FOCAD: variants seen among roughly 807,000 people sequenced by gnomAD.
FOCAD encodes KIAA1797.
Under a neutral mutation model 225.6 loss-of-function variants are expected in FOCAD, and 198 were observed. The ratio of observed to expected loss-of-function variants is 0.88; its 90% CI spans 0.78 to 0.99. The LOEUF is 0.99. Among genes scored for constraint, FOCAD ranks in the 50% least tolerant of loss-of-function variants. The pLI is 0.00. For missense variants in FOCAD, 2,713 were observed against 2,123.6 expected (o/e 1.28, Z -5.46); for synonymous variants, 897 against 755.0 (o/e 1.19, Z -3.08).
At chr9:20,932,895 T>C in intron 27 of FOCAD, 119 bp from the exon 28 acceptor site, 1 of 720,322 alleles carries the variant, frequency 1.4e-6, no homozygotes, top group East Asian at 2.7e-5. Flanking sequence ...TGTCACTTTT[T>C]TTTTTAAGAG....
intron 1 of FOCAD, among the ~76,000 whole-genome samples, chr9:20,700,707 TA>T (rs756205290): frequency 1.7e-4 from 26 of 152,216 alleles, no homozygotes; most frequent in Middle Eastern, 6.3e-3. Flanking sequence ...TCATGAGTCT[TA>T]ATTAATGAAA....
At chr9:20,823,191 A>C (rs1411009739) in intron 15 of FOCAD, 76 bp downstream of exon 15, 1 of 1,447,146 alleles carries the variant, frequency 6.9e-7, no homozygotes, top group African/African-American at 1.5e-5. Context: ...AGAATGTAAG[A>C]TTAGATTCAA....
rs971666116 is a variant in FOCAD, at chr9:20,960,404, A to T, written c.4132+7339A>T. 2.0e-5 allele frequency among the ~76,000 whole-genome samples: 3 copies of T among 152,250 alleles called. No homozygotes were observed. The South Asian group carries it at 6.2e-4, about 32-fold the overall frequency. ...ATGTTGTCTTCTAGGTTTCTCCACT[A>T]TGAACTTATTCTTTTACCCTTATTT... On this transcript the variant is annotated intron_variant, in intron 35 of 43. Coordinates refer to ENST00000338382, the MANE Select transcript of FOCAD (RefSeq NM_001375567.1).
chr9:20,671,723 G>A (rs143349543), intron 2 of FOCAD, among the ~76,000 whole-genome samples: 39 of 152,280 alleles, frequency 2.6e-4, no homozygotes, highest in Non-Finnish European at 4.4e-4. Context: ...GCAAAAAAAG[G>A]GCAAAAAGTT....
Position 20,874,772 on chromosome 9 carries a change from A to C in FOCAD, c.2282A>C (p.Lys761Thr), listed in dbSNP as rs1830092303. The change falls in exon 19 of 44, where the codon AAA becomes ACA. Residue 761 changes from lysine to threonine, a missense_variant. Lys to Thr is a moderately conservative substitution (Grantham distance 78, BLOSUM62 -1). Coordinates refer to ENST00000338382, the MANE Select transcript of FOCAD (RefSeq NM_001375567.1). ...DLSVPGSCYLKLLSLTPPLVL... is the reference protein window; with the variant it reads ...DLSVPGSCYLTLLSLTPPLVL... ...TCAGTTCCTGGCTCTTGCTATCTCAAACTGTTGTCACTCACTCCCCCTTTG... is the reference window on the plus strand; with the variant it reads ...TCAGTTCCTGGCTCTTGCTATCTCACACTGTTGTCACTCACTCCCCCTTTG... 9.9e-6 allele frequency: 16 copies of C among 1,613,614 alleles called. No individual in the cohort carries two copies. Among genetic ancestry groups the C allele is most frequent in the Non-Finnish European group, 1.4e-5 (16 of 1,179,712 alleles).
chr9:20,690,282 T>A (rs1347326025), intron 1 of FOCAD, among the ~76,000 whole-genome samples: 1 of 152,188 alleles, frequency 6.6e-6, no homozygotes, highest in Non-Finnish European at 1.5e-5. Context: ...CTCTGAACAT[T>A]GCATTTCCCC....
At chr9:20,876,230 T>G (rs1830209491) in intron 19 of FOCAD, among the ~76,000 whole-genome samples, 1 of 152,170 alleles carries the variant, frequency 6.6e-6, no homozygotes, top group Non-Finnish European at 1.5e-5. Flanking sequence ...TCTTCCCCAC[T>G]TCCTACCTCT....
At chr9:20,760,029 G>T (rs536652464) in intron 6 of FOCAD, among the ~76,000 whole-genome samples, 1 of 152,150 alleles carries the variant, frequency 6.6e-6, no homozygotes, top group Non-Finnish European at 1.5e-5. Flanking sequence ...CTACCATGAC[G>T]CTGGTTCAGG....
chr9:20,713,588 C>A (rs558006839), intron 1 of FOCAD, among the ~76,000 whole-genome samples: 1 of 152,140 alleles, frequency 6.6e-6, no homozygotes, highest in East Asian at 1.9e-4. Context: ...TTATCTGCTG[C>A]TTTCTACTAG....
chr9:20,921,273 C>T (rs1484409878), intron 24 of FOCAD, among the ~76,000 whole-genome samples: 1 of 152,132 alleles, frequency 6.6e-6, no homozygotes. Context: ...GCTCAGCCTT[C>T]CTTGTGCTTT....
At chr9:20,707,919 C>G (rs1366711563) in intron 1 of FOCAD, among the ~76,000 whole-genome samples, 1 of 152,078 alleles carries the variant, frequency 6.6e-6, no homozygotes, top group Non-Finnish European at 1.5e-5. Flanking sequence ...ATGAAACAAT[C>G]GAGCTGCCTG....
Position 20,770,672 on chromosome 9 carries a change from C to T in FOCAD, c.906+434C>T, listed in dbSNP as rs536598012. Reference sequence around the variant, plus strand: ...ATAGATCCAAACCATATCAGATAGACGTTTTATTGTGTCAGTTATCACTCA... The same window carrying T: ...ATAGATCCAAACCATATCAGATAGATGTTTTATTGTGTCAGTTATCACTCA... On this transcript the variant is annotated intron_variant, in intron 8 of 43. Coordinates refer to ENST00000338382, the MANE Select transcript of FOCAD (RefSeq NM_001375567.1). Among the ~76,000 whole-genome samples, 216 of 152,236 alleles carry T rather than the reference C, an allele frequency of 1.4e-3. 2 individuals are homozygous for T. Among genetic ancestry groups the T allele is most frequent in the African/African-American group, 4.9e-3 (205 of 41,548 alleles).
chr9:20,872,423 C>T (rs1247253065), intron 18 of FOCAD, among the ~76,000 whole-genome samples: 2 of 152,008 alleles, frequency 1.3e-5, no homozygotes, highest in African/African-American at 2.4e-5. Flanking sequence ...AGCATTTGGT[C>T]ATTTGACATA....
At chr9:20,726,666 G>A (rs1243574750) in intron 4 of FOCAD, among the ~76,000 whole-genome samples, 1 of 152,148 alleles carries the variant, frequency 6.6e-6, no homozygotes, top group East Asian at 1.9e-4. Flanking sequence ...TTGATCATGG[G>A]CTGATGAAGG....
rs542187777 is a variant in FOCAD at position 20,923,683 on chromosome 9, A to C, written c.2876A>C (p.Asn959Thr). 1.9e-6 allele frequency: 3 copies of C among 1,614,034 alleles called. No homozygotes were observed. The South Asian group carries it at 3.3e-5, about 18-fold the overall frequency. The change falls in exon 25 of 44, where the codon AAT becomes ACT. Residue 959 changes from asparagine to threonine, a missense_variant. Physicochemically the swap from Asn to Thr is moderately conservative, Grantham distance 65. Transcript: ENST00000338382. ...AGGGAGAGTCCGGTAGTGAAAGGCA[A>C]TGCGCTGTTAGCTCTAAGCAGCCTT... is the stretch of plus-strand genomic sequence containing the variant. Reference protein sequence around the residue: ...AAKESPVVKGNALLALSSLAV... With the variant: ...AAKESPVVKGTALLALSSLAV...
rs1835274867 is a variant in FOCAD, at chr9:20,929,548, G to A, written c.3269G>A (p.Gly1090Asp). The A allele has an allele frequency of 3.7e-6, 6 of 1,613,944 alleles. No individual in the cohort carries two copies. In the South Asian group the frequency reaches 4.4e-5, roughly 12 times the overall value. Residue 1090 changes from glycine (G) to aspartate (D), a missense_variant, in exon 27 of 44, where the codon GGC (glycine) becomes GAC (aspartate). Coordinates refer to ENST00000338382, the MANE Select transcript of FOCAD (RefSeq NM_001375567.1). ...TCTCAAGCCGTGCAAATCCACATGG[G>A]CCTTGCTTTAGGGATGTTTCTCTCT... Reference protein sequence around the residue: ...DESQAVQIHMGLALGMFLSRL... With the variant: ...DESQAVQIHMDLALGMFLSRL...
intron 19 of FOCAD, 117 bp downstream of exon 19, chr9:20,874,924 C>T: frequency 7.6e-7 from 1 of 1,315,056 alleles, no homozygotes; most frequent in Non-Finnish European, 1.1e-6. Flanking sequence ...ATTTTTTAAC[C>T]AGAATGTTAA....
At chr9:20,746,519 G>C (rs991873709) in intron 5 of FOCAD, among the ~76,000 whole-genome samples, 7 of 152,140 alleles carry the variant, frequency 4.6e-5, no homozygotes, top group African/African-American at 1.7e-4. Flanking sequence ...TACAAGAATA[G>C]CACCAAAGAC....
intron 43 of FOCAD, among the ~76,000 whole-genome samples, chr9:20,994,227 C>T (rs995347418): frequency 6.6e-6 from 1 of 152,260 alleles, no homozygotes; most frequent in African/African-American, 2.4e-5. Context: ...ACTTCTCTAC[C>T]GACTTTGTTA....
Sources: gnomAD v4.1 joint callset for allele counts (sites outside exome capture counted in the v4.1 genomes callset) on GRCh38, gnomAD v4.1.1 for gene constraint, MANE v1.5 for transcripts, NCBI Gene and HGNC (gene_info 2026-07-23, HGNC 2026-07-21) for gene names.